DSCAM: variants seen among roughly 807,000 people sequenced by gnomAD.
DSCAM encodes cell adhesion molecule DSCAM.
Under a neutral mutation model 217.7 loss-of-function variants are expected in DSCAM, and 47 were observed. The observed-to-expected ratio is 0.22, with a 90% CI of 0.17 to 0.28. The LOEUF (loss-of-function observed/expected upper bound fraction) is 0.28, where lower values mean the gene tolerates loss of function less well. Among genes scored for constraint, DSCAM ranks in the 10% least tolerant of loss-of-function variants. DSCAM has a pLI of 1.00. For missense variants in DSCAM, 2,080 were observed against 2,618.3 expected (o/e 0.79, Z 4.49); for synonymous variants, 1,056 against 1,015.3 (o/e 1.04, Z -0.76).
chr21:40,707,360 C>T (rs1283443891), intron 2 of DSCAM, among the ~76,000 whole-genome samples: 1 of 152,152 alleles, frequency 6.6e-6, no homozygotes, highest in African/African-American at 2.4e-5. Flanking sequence ...TGATTAAAGA[C>T]AATCCTTTTT....
chr21:40,736,891 G>C (rs7275288), intron 1 of DSCAM, among the ~76,000 whole-genome samples: 1 of 151,932 alleles, frequency 6.6e-6, no homozygotes, highest in East Asian at 1.9e-4. Flanking sequence ...TACTCCACAA[G>C]AAGAAGATAG....
intron 20 of DSCAM, among the ~76,000 whole-genome samples, chr21:40,113,528 T>C (rs2089927388): frequency 6.6e-6 from 1 of 152,082 alleles, no homozygotes; most frequent in Admixed American, 6.5e-5. Flanking sequence ...CTCTCACCAC[T>C]CCTATTCAAC....
chr21:40,097,072 T>G (rs2089686060), intron 20 of DSCAM, among the ~76,000 whole-genome samples: 1 of 151,936 alleles, frequency 6.6e-6, no homozygotes, highest in African/African-American at 2.4e-5. Context: ...TAATACCAGA[T>G]AGACAGAGAC....
At chr21:40,377,509 G>A (rs1435810301) in intron 3 of DSCAM, among the ~76,000 whole-genome samples, 1 of 152,098 alleles carries the variant, frequency 6.6e-6, no homozygotes, top group East Asian at 1.9e-4. Context: ...ATGGGGTTGG[G>A]GTGGCCTTGG....
chr21:40,311,836 TC>T (rs925550088), intron 9 of DSCAM, among the ~76,000 whole-genome samples: 1 of 152,074 alleles, frequency 6.6e-6, no homozygotes, highest in African/African-American at 2.4e-5. Flanking sequence ...ATCCTATGGT[TC>T]CCACCTTCTT....
intron 1 of DSCAM, among the ~76,000 whole-genome samples, chr21:40,729,031 G>T (rs117000754): frequency 0.015 from 2,324 of 152,268 alleles, 32 homozygotes; most frequent in Non-Finnish European, 0.027. Context: ...ATATCACCAA[G>T]TGCATTATCA....
intron 3 of DSCAM, among the ~76,000 whole-genome samples, chr21:40,559,784 G>C (rs201058517): frequency 2.8e-5 from 3 of 105,572 alleles, no homozygotes; most frequent in Non-Finnish European, 5.9e-5. Flanking sequence ...AAAATTTTCT[G>C]TCTTTTTTTT....
At chr21:40,758,114 G>A (rs1305471528) in intron 1 of DSCAM, among the ~76,000 whole-genome samples, 2 of 152,094 alleles carry the variant, frequency 1.3e-5, no homozygotes, top group Admixed American at 6.5e-5. Flanking sequence ...TATGACAACA[G>A]GGACTGAGAA....
intron 3 of DSCAM, among the ~76,000 whole-genome samples, chr21:40,563,837 T>G (rs1480509554): frequency 6.7e-6 from 1 of 149,488 alleles, no homozygotes; most frequent in Non-Finnish European, 1.5e-5. Flanking sequence ...TTTATATATG[T>G]TTATATGTTT....
intron 1 of DSCAM, among the ~76,000 whole-genome samples, chr21:40,821,254 T>C (rs570666833): frequency 2.3e-4 from 35 of 152,262 alleles, no homozygotes; most frequent in Admixed American, 1.8e-3. Flanking sequence ...TTTTATCTTT[T>C]AGCTCTGTTG....
chr21:40,042,254 C>T, intron 32 of DSCAM, 117 bp downstream of exon 32: 1 of 1,063,502 alleles, frequency 9.4e-7, no homozygotes, highest in Non-Finnish European at 1.4e-6. Flanking sequence ...TGCAGCCATC[C>T]ATAAACAGAG....
intron 1 of DSCAM, among the ~76,000 whole-genome samples, chr21:40,710,356 G>C (rs1281781986): frequency 1.3e-5 from 2 of 152,218 alleles, no homozygotes; most frequent in African/African-American, 4.8e-5. Context: ...TGTCTGTTTT[G>C]ATTTTTACAT....
intron 10 of DSCAM, among the ~76,000 whole-genome samples, chr21:40,285,876 G>A (rs569907058): frequency 9.9e-5 from 15 of 152,092 alleles, no homozygotes; most frequent in Admixed American, 3.3e-4. Context: ...ATTGGAAATC[G>A]GGGTGCTGGG....
intron 3 of DSCAM, among the ~76,000 whole-genome samples, chr21:40,661,761 T>G (rs2090141269): frequency 6.6e-6 from 1 of 152,194 alleles, no homozygotes; most frequent in Non-Finnish European, 1.5e-5. Flanking sequence ...AGCTCTCTTT[T>G]GTAAGCAGGA....
intron 3 of DSCAM, among the ~76,000 whole-genome samples, chr21:40,583,896 TAA>T (rs986059221): frequency 5.4e-5 from 5 of 92,252 alleles, no homozygotes; most frequent in Non-Finnish European, 1.1e-4. Flanking sequence ...CTTTAAAAAA[TAA>T]AGTCTATTAA....
At chr21:40,351,897 A>T (rs1647176323) in intron 5 of DSCAM, among the ~76,000 whole-genome samples, 1 of 152,184 alleles carries the variant, frequency 6.6e-6, no homozygotes, top group African/African-American at 2.4e-5. Flanking sequence ...AGTGTTAGAT[A>T]ACCAAGTATT....
chr21:40,589,445 A>G (rs187083988), intron 3 of DSCAM, among the ~76,000 whole-genome samples: 17 of 152,182 alleles, frequency 1.1e-4, no homozygotes, highest in African/African-American at 3.9e-4. Flanking sequence ...GTGTGGTGGC[A>G]TGTGCCTGTA....
chr21:40,612,433 T>C (rs1032226573), intron 3 of DSCAM, among the ~76,000 whole-genome samples: 1 of 152,084 alleles, frequency 6.6e-6, no homozygotes, highest in Non-Finnish European at 1.5e-5. Context: ...ATGGGACACT[T>C]GGCAATGAGC....
intron 9 of DSCAM, among the ~76,000 whole-genome samples, chr21:40,304,045 C>A (rs2074045055): frequency 6.6e-6 from 1 of 152,200 alleles, no homozygotes. Context: ...ATGCCAAGGT[C>A]ACTCCACTGA....
Sources: gnomAD v4.1 joint callset for allele counts (sites outside exome capture counted in the v4.1 genomes callset) on GRCh38, gnomAD v4.1.1 for gene constraint, MANE v1.5 for transcripts, NCBI Gene and HGNC (gene_info 2026-07-23, HGNC 2026-07-21) for gene names.